The following NCAM1 variants were observed in gnomAD, a reference collection of about 807,000 sequenced individuals.
NCAM1 encodes the protein neural cell adhesion molecule 1, also known as antigen recognized by monoclonal antibody 5.1H11.
Under a neutral mutation model 109.8 loss-of-function variants are expected in NCAM1, and 14 were observed. That is an observed-to-expected ratio of 0.13 (90% confidence interval 0.08 to 0.20). NCAM1 has a LOEUF of 0.20. Ranked by LOEUF, NCAM1 falls within the 10% of genes least tolerant of loss-of-function variation. The pLI is 1.00. For missense variants in NCAM1, 774 were observed against 1,109.9 expected (o/e 0.70, Z 4.30); for synonymous variants, 418 against 442.9 (o/e 0.94, Z 0.70).
At chr11:113,151,346 A>G (rs1942217250) in intron 1 of NCAM1, among the ~76,000 whole-genome samples, 1 of 152,224 alleles carries the variant, frequency 6.6e-6, no homozygotes, top group Admixed American at 6.5e-5. Flanking sequence ...CAGGCAGCAC[A>G]TATCGGAGCT....
At chr11:113,014,822 G>A (rs1952166983) in intron 1 of NCAM1, among the ~76,000 whole-genome samples, 1 of 152,202 alleles carries the variant, frequency 6.6e-6, no homozygotes, top group African/African-American at 2.4e-5. Context: ...ACGCAAATCT[G>A]AGAGTGGGAA....
intron 7 of NCAM1, among the ~76,000 whole-genome samples, chr11:113,213,927 C>T (rs1157383187): frequency 6.6e-6 from 1 of 152,228 alleles, no homozygotes; most frequent in Non-Finnish European, 1.5e-5. Flanking sequence ...CTTCCTGTGC[C>T]TCATGCCACA....
chr11:113,097,938 A>G (rs1160249807), intron 1 of NCAM1, among the ~76,000 whole-genome samples: 2 of 152,168 alleles, frequency 1.3e-5, no homozygotes, highest in Admixed American at 6.5e-5. Context: ...AATATTTGAG[A>G]TAGCTGAAGC....
In NCAM1 at chr11:112,969,577, C is replaced by T. The variant is rs552173437; in HGVS notation, c.52+7913C>T. ...TGCTGTCGTTCTGAGCCTGTTTCCCCATCTGTAAAATGGGGTTAATGACAC... is the reference window on the plus strand; with the variant it reads ...TGCTGTCGTTCTGAGCCTGTTTCCCTATCTGTAAAATGGGGTTAATGACAC... On this transcript the variant is annotated intron_variant, in intron 1 of 19. Coordinates refer to ENST00000316851, the MANE Select transcript of NCAM1 (RefSeq NM_181351.5). Among the ~76,000 whole-genome samples the T allele has an allele frequency of 1.4e-4, 22 of 152,036 alleles. No homozygotes were observed. The South Asian group carries it at 2.9e-3, about 20-fold the overall frequency.
At chr11:113,109,263 G>T (rs1270988743) in intron 1 of NCAM1, among the ~76,000 whole-genome samples, 1 of 150,182 alleles carries the variant, frequency 6.7e-6, no homozygotes, top group Non-Finnish European at 1.5e-5. Flanking sequence ...CATGAGAATT[G>T]CTTAAACCCG....
At chr11:112,974,363 A>G (rs1662602761) in intron 1 of NCAM1, among the ~76,000 whole-genome samples, 1 of 151,876 alleles carries the variant, frequency 6.6e-6, no homozygotes, top group Admixed American at 6.6e-5. Context: ...TCAAATTCTA[A>G]TGATCCCTGG....
intron 1 of NCAM1, among the ~76,000 whole-genome samples, chr11:113,154,737 A>G (rs1942349435): frequency 6.6e-6 from 1 of 152,316 alleles, no homozygotes; most frequent in African/African-American, 2.4e-5. Flanking sequence ...TGATAAAGGA[A>G]GAAGGCATCT....
At chr11:113,053,118 C>T (rs1555082057) in intron 1 of NCAM1, among the ~76,000 whole-genome samples, 1 of 152,140 alleles carries the variant, frequency 6.6e-6, no homozygotes, top group African/African-American at 2.4e-5. Context: ...ACACTGCTCC[C>T]ACTTGTTCAG....
intron 1 of NCAM1, among the ~76,000 whole-genome samples, chr11:113,194,703 G>A (rs951381545): frequency 1.1e-4 from 17 of 152,060 alleles, no homozygotes; most frequent in African/African-American, 3.9e-4. Flanking sequence ...CTGCTTTCAC[G>A]CCTCTGCTAT....
chr11:112,979,435 A>C (rs1002126888), intron 1 of NCAM1, among the ~76,000 whole-genome samples: 1 of 151,818 alleles, frequency 6.6e-6, no homozygotes, highest in Non-Finnish European at 1.5e-5. Flanking sequence ...GCCTCCATTC[A>C]ACAAAATAGA....
At chr11:113,124,404 C>A (rs1409951399) in intron 1 of NCAM1, among the ~76,000 whole-genome samples, 2 of 152,160 alleles carry the variant, frequency 1.3e-5, no homozygotes, top group Non-Finnish European at 2.9e-5. Context: ...AAGTCCTACT[C>A]AGGACTCTGC....
intron 1 of NCAM1, among the ~76,000 whole-genome samples, chr11:113,162,225 G>A (rs1942624907): frequency 1.3e-5 from 2 of 152,062 alleles, no homozygotes; most frequent in Admixed American, 1.3e-4. Flanking sequence ...TGCAAACAAA[G>A]CTAAAAATAT....
chr11:113,100,489 C>CACGTGG lies in NCAM1; in HGVS notation c.53-101888_53-101887insGTGGAC, dbSNP rs1565436313. Among the ~76,000 whole-genome samples the CACGTGG allele has an allele frequency of 3.9e-5, 6 of 152,104 alleles. No homozygotes were observed. In the East Asian group the frequency reaches 1.2e-3, roughly 29 times the overall value. On this transcript the variant is annotated intron_variant, in intron 1 of 19. Transcript: ENST00000316851. Reference sequence around the variant, plus strand: ...CATCCAGGAAGAAGCAGGTCACGTGCACTTGAAGGATGGTGAATGCAGAGA... The same window carrying CACGTGG: ...CATCCAGGAAGAAGCAGGTCACGTGCACGTGGACTTGAAGGATGGTGAATGCAGAGA...
chr11:113,140,286 G>A (rs2136192438), intron 1 of NCAM1, among the ~76,000 whole-genome samples: 1 of 152,260 alleles, frequency 6.6e-6, no homozygotes, highest in African/African-American at 2.4e-5. Flanking sequence ...TTCTAAGCCA[G>A]CCTTTTACAG....
chr11:113,022,509 A>G (rs1396399421), intron 1 of NCAM1, among the ~76,000 whole-genome samples: 1 of 152,202 alleles, frequency 6.6e-6, no homozygotes, highest in African/African-American at 2.4e-5. Flanking sequence ...GCGCAATAGT[A>G]TTACAGATCC....
chr11:113,010,885 G>A (rs546078180), intron 1 of NCAM1, among the ~76,000 whole-genome samples: 1 of 152,270 alleles, frequency 6.6e-6, no homozygotes, highest in South Asian at 2.1e-4. Context: ...TCAAGAAGCG[G>A]AGGAGTCATA....
intron 1 of NCAM1, among the ~76,000 whole-genome samples, chr11:113,132,351 C>G (rs1565454920): frequency 6.6e-6 from 1 of 152,156 alleles, no homozygotes; most frequent in Non-Finnish European, 1.5e-5. Flanking sequence ...AAATTTGCCT[C>G]TTTAACTAGG....
rs117670100 is a variant in NCAM1 at position 113,118,528 on chromosome 11, C to A, written c.53-83851C>A. On this transcript the variant is annotated intron_variant, in intron 1 of 19. Coordinates refer to ENST00000316851, the MANE Select transcript of NCAM1 (RefSeq NM_181351.5). ...AAGGGGAGCCTGGACCATTGCAGGG[C>A]CTTCTTCATCTCTGATTATTTTGTG... Among the ~76,000 whole-genome samples the A allele has an allele frequency of 2.0e-3, 307 of 152,022 alleles. 2 individuals carry two copies. The highest frequency in any genetic ancestry group is 3.5e-3 in the Non-Finnish European group (238 of 68,016).
rs3741072 is a variant in NCAM1, at chr11:113,235,085, C to T, written c.1746C>T (p.Tyr582=). ...TIVGLKPETT[Y]AVRLAALNGK... ...TGGGCCTGAAGCCCGAAACAACGTA[C>T]GCCGTAAGGCTGGCGGCGCTCAATG... Residue 582 remains tyrosine, a synonymous_variant, in exon 14 of 20, where the codon TAC becomes TAT. Transcript: ENST00000316851. The T allele has an allele frequency of 7.6e-5, 121 of 1,594,846 alleles. No individual in the cohort carries two copies. Among genetic ancestry groups the T allele is most frequent in the East Asian group, 7.3e-4 (32 of 43,728 alleles).
Sources: allele counts gnomAD v4.1 joint callset (sites outside exome capture counted in the v4.1 genomes callset), GRCh38; gene constraint gnomAD v4.1.1; transcripts MANE v1.5; gene names NCBI Gene and HGNC (gene_info 2026-07-23, HGNC 2026-07-21).